CDK14: variants seen among roughly 807,000 people sequenced by gnomAD.
CDK14 encodes the protein cyclin dependent kinase 14.
A neutral mutation model predicts 60.7 loss-of-function variants in CDK14; 34 were observed. The ratio of observed to expected loss-of-function variants is 0.56; its 90% CI spans 0.43 to 0.75. CDK14 has a LOEUF of 0.75. CDK14 is among the 30% of genes least tolerant of loss of function. The pLI is 0.00. For synonymous variants in CDK14, 197 were observed against 203.7 expected, an observed-to-expected ratio of 0.97 and a Z score of 0.28; for missense variants, 482 against 564.1, an observed-to-expected ratio of 0.85 and a Z score of 1.47.
At chr7:90,988,742 G>A (rs536915985) in intron 10 of CDK14, among the ~76,000 whole-genome samples, 135 of 149,250 alleles carry the variant, frequency 9.0e-4, no homozygotes, top group Middle Eastern at 7.3e-3. Flanking sequence ...GGTCTCTGTG[G>A]CTCATGGCCC....
intron 8 of CDK14, among the ~76,000 whole-genome samples, chr7:90,940,297 T>G (rs1584146486): frequency 6.6e-6 from 1 of 152,212 alleles, no homozygotes. Flanking sequence ...CCCCTGTTAT[T>G]TATTTTGTCT....
chr7:90,645,162 T>C (rs1800434874), intron 2 of CDK14, among the ~76,000 whole-genome samples: 1 of 152,200 alleles, frequency 6.6e-6, no homozygotes, highest in South Asian at 2.1e-4. Context: ...AACATGTTTA[T>C]ATATGTATAT....
chr7:91,187,303 A>G (rs1471751350), intron 14 of CDK14, among the ~76,000 whole-genome samples: 1 of 152,242 alleles, frequency 6.6e-6, no homozygotes, highest in Non-Finnish European at 1.5e-5. Context: ...CCAAAATTTT[A>G]GTGAGGGCAT....
intron 2 of CDK14, among the ~76,000 whole-genome samples, chr7:90,618,823 C>T (rs964432876): frequency 5.3e-5 from 8 of 152,110 alleles, no homozygotes; most frequent in African/African-American, 1.9e-4. Flanking sequence ...GATTTGAGGA[C>T]ACATACAGAA....
chr7:91,028,128 T>C (rs925707091), intron 10 of CDK14, among the ~76,000 whole-genome samples: 1 of 151,002 alleles, frequency 6.6e-6, no homozygotes, highest in Non-Finnish European at 1.5e-5. Context: ...CTCCCACTTA[T>C]AAATGAGAAC....
At chr7:91,191,236 A>G (rs1802353186) in intron 14 of CDK14, among the ~76,000 whole-genome samples, 1 of 152,026 alleles carries the variant, frequency 6.6e-6, no homozygotes, top group South Asian at 2.1e-4. Flanking sequence ...CACTTACCAA[A>G]CCAGAGTTAG....
intron 2 of CDK14, among the ~76,000 whole-genome samples, chr7:90,682,260 A>T (rs1455712251): frequency 1.3e-5 from 2 of 152,166 alleles, no homozygotes; most frequent in East Asian, 3.9e-4. Flanking sequence ...TAAATATCTA[A>T]AAAAAGACTT....
intron 7 of CDK14, among the ~76,000 whole-genome samples, chr7:90,907,017 G>C (rs1467929765): frequency 1.3e-5 from 2 of 151,870 alleles, no homozygotes. Context: ...AATAACAAAT[G>C]GTTTATTTCT....
Position 91,079,472 on chromosome 7 carries a change from A to G in CDK14, c.1146A>G (p.Ala382=). The change falls in exon 12 of 15, where the codon GCA becomes GCG. Residue 382 remains alanine (A), a synonymous_variant. Coordinates refer to ENST00000380050, the MANE Select transcript of CDK14 (RefSeq NM_001287135.2). ...ACAGCTCTAAAAACCTTAGACAAGCATGGAATAAGTAAGTCTTTATACAGA... is the reference window on the plus strand; with the variant it reads ...ACAGCTCTAAAAACCTTAGACAAGCGTGGAATAAGTAAGTCTTTATACAGA... ...TLYSSKNLRQ[A]WNKLSYVNHA... 1.2e-6 allele frequency: 2 copies of G among 1,600,422 alleles called. No homozygotes were observed. The highest frequency in any genetic ancestry group is 2.2e-5 in the East Asian group (1 of 44,706).
At chr7:91,048,930 A>T (rs906250295) in intron 11 of CDK14, among the ~76,000 whole-genome samples, 6 of 152,096 alleles carry the variant, frequency 3.9e-5, no homozygotes, top group Admixed American at 6.6e-5. Context: ...GTGGGACTGC[A>T]GTGGTGCGAT....
At chr7:90,821,203 A>T (rs930862282) in intron 5 of CDK14, among the ~76,000 whole-genome samples, 1 of 152,150 alleles carries the variant, frequency 6.6e-6, no homozygotes, top group Non-Finnish European at 1.5e-5. Flanking sequence ...CCTATGTTGC[A>T]TGCAGGTTTA....
At chr7:91,201,998 T>C (rs1802744502) in intron 14 of CDK14, among the ~76,000 whole-genome samples, 1 of 152,126 alleles carries the variant, frequency 6.6e-6, no homozygotes, top group Non-Finnish European at 1.5e-5. Flanking sequence ...GTGGCGGGTA[T>C]GAGATGATCT....
At chr7:90,860,239 CCT>C (rs1233892081) in intron 5 of CDK14, among the ~76,000 whole-genome samples, 1 of 151,780 alleles carries the variant, frequency 6.6e-6, no homozygotes, top group East Asian at 1.9e-4. Context: ...AACATTTTCC[CCT>C]GTCTTTCACA....
At chr7:90,872,441 C>T (rs150175014) in intron 6 of CDK14, among the ~76,000 whole-genome samples, 77 of 152,208 alleles carry the variant, frequency 5.1e-4, no homozygotes, top group Admixed American at 2.2e-3. Context: ...AATTCTGAAC[C>T]ATAAGGAGAA....
At chr7:90,931,644 A>G (rs1449068532) in intron 8 of CDK14, among the ~76,000 whole-genome samples, 1 of 152,222 alleles carries the variant, frequency 6.6e-6, no homozygotes, top group African/African-American at 2.4e-5. Flanking sequence ...TGTCTTCTTC[A>G]TAGCTGTAAA....
chr7:90,709,564 A>G lies in CDK14; in HGVS notation c.124-17003A>G, dbSNP rs768655465. ...CATATGCACGGTTACTTTGGCTGCA[A>G]TGCTGCTGCAGAGCCCGGTTACTCT... On this transcript the variant is annotated intron_variant, in intron 2 of 14. Transcript: ENST00000380050. 203 of 1,613,280 alleles carry G rather than the reference A, an allele frequency of 1.3e-4. No homozygotes were observed. Among genetic ancestry groups the G allele is most frequent in the Non-Finnish European group, 1.6e-4 (186 of 1,179,516 alleles).
chr7:90,613,083 C>T (rs1563015871), intron 2 of CDK14, among the ~76,000 whole-genome samples: 1 of 152,106 alleles, frequency 6.6e-6, no homozygotes, highest in Non-Finnish European at 1.5e-5. Flanking sequence ...TTACCATCTC[C>T]CTAATTATGG....
intron 2 of CDK14, among the ~76,000 whole-genome samples, chr7:90,639,423 G>A (rs1800257924): frequency 6.6e-6 from 1 of 152,150 alleles, no homozygotes. Flanking sequence ...GGTATCAGCA[G>A]TGGTGTCTGC....
At chr7:91,180,263 C>G (rs1801955361) in intron 14 of CDK14, among the ~76,000 whole-genome samples, 1 of 152,216 alleles carries the variant, frequency 6.6e-6, no homozygotes, top group Admixed American at 6.5e-5. Flanking sequence ...CACAAATTCA[C>G]ATCCCTTCTG....
Sources: gnomAD v4.1 joint callset for allele counts (sites outside exome capture counted in the v4.1 genomes callset) on GRCh38, gnomAD v4.1.1 for gene constraint, MANE v1.5 for transcripts, NCBI Gene and HGNC (gene_info 2026-07-23, HGNC 2026-07-21) for gene names.